Variants in INVS observed in about 807,000 individuals in gnomAD.
The protein encoded by INVS is inversin.
A neutral mutation model predicts 108.8 loss-of-function variants in INVS; 86 were observed. The ratio of observed to expected loss-of-function variants is 0.79; its 90% CI spans 0.66 to 0.95. The LOEUF is 0.95. Among genes scored for constraint, INVS ranks in the 40% least tolerant of loss-of-function variants. INVS has a pLI of 0.00. For synonymous variants in INVS, 455 were observed against 473.5 expected, an observed-to-expected ratio of 0.96 and a Z score of 0.51; for missense variants, 1,169 against 1,297.4, an observed-to-expected ratio of 0.90 and a Z score of 1.52.
intron 3 of INVS, among the ~76,000 whole-genome samples, chr9:100,207,497 T>C (rs1339151515): frequency 1.3e-5 from 2 of 152,084 alleles, no homozygotes; most frequent in African/African-American, 4.8e-5. Context: ...TTCGTCGTGT[T>C]GGCCAGGCTA....
chr9:100,126,863 A>G (rs1827901850), intron 3 of INVS, among the ~76,000 whole-genome samples: 1 of 152,188 alleles, frequency 6.6e-6, no homozygotes, highest in Non-Finnish European at 1.5e-5. Context: ...AAAAATAAAG[A>G]CCAAAAAGAA....
chr9:100,117,506 C>T (rs948553349), intron 2 of INVS: 2 of 826,016 alleles, frequency 2.4e-6, no homozygotes, highest in Middle Eastern at 3.4e-4. Flanking sequence ...TCAGCCCGGG[C>T]CCCGTCCACG....
intron 8 of INVS, 43 bp from the exon 9 acceptor site, chr9:100,252,239 GT>G (rs1290903006): frequency 1.9e-5 from 31 of 1,591,906 alleles, no homozygotes; most frequent in Non-Finnish European, 2.4e-5. Flanking sequence ...AAAAGGTGAA[GT>G]TGTTATTGAC....
At chr9:100,176,720 C>A (rs1829723653) in intron 3 of INVS, among the ~76,000 whole-genome samples, 1 of 152,084 alleles carries the variant, frequency 6.6e-6, no homozygotes, top group Non-Finnish European at 1.5e-5. Context: ...TTGTGATCCG[C>A]CCGCCTCAGC....
intron 2 of INVS, chr9:100,120,740 G>A (rs1388414010): frequency 2.6e-5 from 4 of 152,226 alleles, no homozygotes; most frequent in East Asian, 1.9e-4. Flanking sequence ...TGGAGGGGAA[G>A]GGAATTTGGT....
rs1588145141 is a variant in INVS at position 100,284,343 on chromosome 9, GAA to G, written c.1811_1812del (p.Lys604ArgfsTer24). 5.6e-6 allele frequency: 9 copies of G among 1,613,348 alleles called. No homozygotes were observed. The highest frequency in any genetic ancestry group is 6.8e-6 in the Non-Finnish European group (8 of 1,180,032). On this transcript the variant is annotated frameshift_variant, in exon 13 of 17. Transcript: ENST00000262457. LOFTEE classifies it high-confidence loss of function. Reference sequence around the variant, plus strand: ...AGAAAGCGAGAGGAAGAAAACAAACGAAAAGAGGCAGAACAGCAAAAAGGAAG... The same window carrying G: ...AGAAAGCGAGAGGAAGAAAACAAACGAAGAGGCAGAACAGCAAAAAGGAAG...
chr9:100,177,792 C>T (rs1829763940), intron 3 of INVS, among the ~76,000 whole-genome samples: 1 of 152,224 alleles, frequency 6.6e-6, no homozygotes, highest in African/African-American at 2.4e-5. Context: ...GAAAGACTGC[C>T]TCTTCAAGTG....
At chr9:100,131,122 A>G (rs150936227) in intron 3 of INVS, among the ~76,000 whole-genome samples, 28 of 152,102 alleles carry the variant, frequency 1.8e-4, no homozygotes, top group Non-Finnish European at 1.5e-4. Flanking sequence ...CCATTACCTT[A>G]TATTGTAATT....
At chr9:100,138,897 G>GA (rs926647259) in intron 3 of INVS, among the ~76,000 whole-genome samples, 67 of 151,682 alleles carry the variant, frequency 4.4e-4, no homozygotes, top group African/African-American at 1.5e-3. Flanking sequence ...AGTAGAGATG[G>GA]GTTTCACCAT....
intron 2 of INVS, among the ~76,000 whole-genome samples, chr9:100,118,493 G>A (rs927603201): frequency 4.6e-5 from 7 of 152,082 alleles, no homozygotes; most frequent in African/African-American, 1.7e-4. Context: ...ACAGGCATGA[G>A]CCACCACACC....
intron 3 of INVS, among the ~76,000 whole-genome samples, chr9:100,179,401 C>T (rs540020450): frequency 1.1e-4 from 17 of 151,506 alleles, no homozygotes; most frequent in South Asian, 4.2e-4. Context: ...ACCCATCTCA[C>T]GTGCAAAGAC....
In INVS at chr9:100,141,699, A is replaced by G. The variant is rs536272909; in HGVS notation, c.273+15150A>G. Among the ~76,000 whole-genome samples, 6 of 152,292 alleles carry G rather than the reference A, an allele frequency of 3.9e-5. No homozygotes were observed. In the East Asian group the frequency reaches 9.7e-4, roughly 25 times the overall value. Reference sequence around the variant, plus strand: ...GCAGGGGCAAATCTCCGAGCTTGATATGTAGGAAAGGGAGGAGGCCTGAAC... The same window carrying G: ...GCAGGGGCAAATCTCCGAGCTTGATGTGTAGGAAAGGGAGGAGGCCTGAAC... On this transcript the variant is annotated intron_variant, in intron 3 of 16. Coordinates refer to ENST00000262457, the MANE Select transcript of INVS (RefSeq NM_014425.5).
intron 1 of INVS, 27 bp from the exon 2 acceptor site, chr9:100,104,471 C>T (rs377082752): frequency 1.6e-4 from 202 of 1,246,186 alleles, no homozygotes; most frequent in Non-Finnish European, 1.2e-4. Flanking sequence ...TTGCTGCATG[C>T]GCTCATTGTC....
At chr9:100,192,290 G>A (rs1830246743) in intron 3 of INVS, among the ~76,000 whole-genome samples, 1 of 121,066 alleles carries the variant, frequency 8.3e-6, no homozygotes, top group South Asian at 2.3e-4. Flanking sequence ...TGTGTAAATG[G>A]AATAATGCAG....
chr9:100,252,056 A>C (rs547743558), intron 8 of INVS, among the ~76,000 whole-genome samples: 5 of 152,364 alleles, frequency 3.3e-5, no homozygotes, highest in African/African-American at 9.6e-5. Flanking sequence ...AAAGGAAGAA[A>C]ATAGCAAGAA....
At chr9:100,267,133 A>G (rs1022946563) in intron 11 of INVS, among the ~76,000 whole-genome samples, 4 of 151,720 alleles carry the variant, frequency 2.6e-5, no homozygotes, top group African/African-American at 4.8e-5. Context: ...CCTGACTGCT[A>G]TATTTTTAAG....
At chr9:100,109,836 G>A (rs1371275976) in intron 2 of INVS, among the ~76,000 whole-genome samples, 1 of 151,960 alleles carries the variant, frequency 6.6e-6, no homozygotes, top group African/African-American at 2.4e-5. Flanking sequence ...CGGCTAATTT[G>A]TTGTATTTTT....
intron 5 of INVS, among the ~76,000 whole-genome samples, chr9:100,236,285 C>G (rs1439832608): frequency 6.6e-6 from 1 of 152,128 alleles, no homozygotes; most frequent in East Asian, 1.9e-4. Flanking sequence ...TCTTAGCTTC[C>G]TTGCATTGGG....
chr9:100,276,457 C>T (rs1004367592), intron 12 of INVS, among the ~76,000 whole-genome samples: 3 of 152,172 alleles, frequency 2.0e-5, no homozygotes, highest in African/African-American at 7.2e-5. Flanking sequence ...TGCATTCCCC[C>T]TTTGATAGCC....
Sources: allele counts gnomAD v4.1 joint callset (sites outside exome capture counted in the v4.1 genomes callset), GRCh38; gene constraint gnomAD v4.1.1; transcripts MANE v1.5; gene names NCBI Gene and HGNC (gene_info 2026-07-23, HGNC 2026-07-21).